Variants in EYA2 observed in about 807,000 individuals in gnomAD.
EYA2 encodes the protein protein phosphatase EYA2.
A neutral mutation model predicts 69.2 loss-of-function variants in EYA2; 31 were observed. The observed-to-expected ratio is 0.45, with a 90% confidence interval of 0.34 to 0.60. The LOEUF is 0.60. Ranked by LOEUF, EYA2 falls within the 20% of genes least tolerant of loss-of-function variation. The pLI, the probability that EYA2 is intolerant of heterozygous loss-of-function variation, is 0.02. For missense variants in EYA2, 622 were observed against 701.2 expected, an observed-to-expected ratio of 0.89 and a Z score of 1.28; for synonymous variants, 257 against 279.4, an observed-to-expected ratio of 0.92 and a Z score of 0.80.
Position 47,188,166 on chromosome 20 carries a change from C to T in EYA2, c.*33C>T. On this transcript the variant is annotated 3_prime_UTR_variant, in exon 16 of 16. Coordinates refer to ENST00000327619, the MANE Select transcript of EYA2 (RefSeq NM_005244.5). ...AGCAGCATCTCCACCTGCCATCTCA[C>T]CCTCAGACCCCCTCGCCTTCCCCAC... The T allele has an allele frequency of 6.5e-7, 1 of 1,537,794 alleles. No homozygotes were observed. Among genetic ancestry groups the T allele is most frequent in the Non-Finnish European group, 8.8e-7 (1 of 1,139,666 alleles).
At chr20:46,951,030 T>TA (rs765150568) in intron 1 of EYA2, among the ~76,000 whole-genome samples, 10 of 152,184 alleles carry the variant, frequency 6.6e-5, no homozygotes, top group African/African-American at 2.2e-4. Context: ...ATACCCCACA[T>TA]ATGCCAGAAA....
intron 1 of EYA2, among the ~76,000 whole-genome samples, chr20:46,921,662 A>C (rs1985184716): frequency 6.6e-6 from 1 of 152,138 alleles, no homozygotes; most frequent in South Asian, 2.1e-4. Flanking sequence ...GGGTTGCTAA[A>C]CTCATAGAAT....
chr20:46,989,685 C>G (rs961364958), intron 1 of EYA2, among the ~76,000 whole-genome samples: 6 of 152,194 alleles, frequency 3.9e-5, no homozygotes, highest in African/African-American at 1.4e-4. Flanking sequence ...GGGAAGTTGC[C>G]CTAGTTTGCT....
At chr20:46,977,346 G>GTTCT (rs1980526113) in intron 1 of EYA2, among the ~76,000 whole-genome samples, 1 of 152,234 alleles carries the variant, frequency 6.6e-6, no homozygotes, top group Non-Finnish European at 1.5e-5. Context: ...GGGCCATGCA[G>GTTCT]TTCTTATCTC....
intron 9 of EYA2, among the ~76,000 whole-genome samples, chr20:47,122,277 G>A (rs2033067105): frequency 7.4e-6 from 1 of 135,898 alleles, no homozygotes; most frequent in Non-Finnish European, 1.6e-5. Context: ...ATGTTTCTTA[G>A]TTATTTTCTT....
intron 1 of EYA2, among the ~76,000 whole-genome samples, chr20:46,951,565 A>G (rs1978792946): frequency 1.3e-5 from 2 of 152,340 alleles, no homozygotes; most frequent in African/African-American, 4.8e-5. Context: ...AGTTCCCACA[A>G]CAGCCCTGAA....
rs574487916 is a variant in EYA2, at chr20:47,005,482, A to G, written c.298+398A>G. Reference sequence around the variant, plus strand: ...ATGGCAGCAAAGATGGTGCCTGTCCACTCAAGGTTTGCATCCTTTTATCTC... The same window carrying G: ...ATGGCAGCAAAGATGGTGCCTGTCCGCTCAAGGTTTGCATCCTTTTATCTC... On this transcript the variant is annotated intron_variant, in intron 4 of 15. Coordinates refer to ENST00000327619, the MANE Select transcript of EYA2 (RefSeq NM_005244.5). Among the ~76,000 whole-genome samples the G allele has an allele frequency of 2.6e-5, 4 of 152,310 alleles. No individual in the cohort carries two copies. The East Asian group carries it at 7.7e-4, about 29-fold the overall frequency.
intron 1 of EYA2, among the ~76,000 whole-genome samples, chr20:46,939,423 T>G (rs923733410): frequency 6.6e-6 from 1 of 152,144 alleles, no homozygotes; most frequent in African/African-American, 2.4e-5. Context: ...CAAAGAGAGA[T>G]AATGACTTTA....
intron 8 of EYA2, among the ~76,000 whole-genome samples, chr20:47,090,519 C>T (rs144654249): frequency 1.3e-5 from 2 of 151,600 alleles, no homozygotes; most frequent in African/African-American, 4.8e-5. Context: ...AGATTACAGG[C>T]GTGAGCCGCC....
chr20:47,060,627 C>T (rs974597147), intron 5 of EYA2, among the ~76,000 whole-genome samples: 6 of 152,202 alleles, frequency 3.9e-5, no homozygotes, highest in Non-Finnish European at 7.3e-5. Context: ...TGCCACAAAC[C>T]GCTGCTCCCT....
intron 1 of EYA2, among the ~76,000 whole-genome samples, chr20:46,927,761 C>G (rs1343863617): frequency 1.3e-5 from 2 of 152,118 alleles, no homozygotes. Context: ...ACAGCCAAAC[C>G]ATATCAATGC....
intron 1 of EYA2, among the ~76,000 whole-genome samples, chr20:46,986,421 A>ATATAATATATAGATC (rs1284933589): frequency 6.1e-4 from 90 of 146,748 alleles, no homozygotes; most frequent in Non-Finnish European, 8.8e-4. Context: ...TAATATCTAT[A>ATATAATATATAGATC]TATATAATAT....
intron 1 of EYA2, chr20:46,901,294 C>T (rs1196873705): frequency 3.9e-5 from 6 of 152,206 alleles, no homozygotes; most frequent in Admixed American, 2.0e-4. Context: ...GAAAATGTTC[C>T]TTCTGGTCAG....
chr20:46,982,430 C>T (rs1287135638), intron 1 of EYA2, among the ~76,000 whole-genome samples: 1 of 152,192 alleles, frequency 6.6e-6, no homozygotes, highest in African/African-American at 2.4e-5. Flanking sequence ...GAATGCTTTT[C>T]TCTGTATTTA....
intron 10 of EYA2, among the ~76,000 whole-genome samples, chr20:47,153,523 TG>T (rs1209773005): frequency 6.6e-6 from 1 of 151,706 alleles, no homozygotes; most frequent in Non-Finnish European, 1.5e-5. Flanking sequence ...GGCATGGTGA[TG>T]AGTGCCTATA....
intron 1 of EYA2, chr20:46,978,525 G>T (rs763720249): frequency 1.9e-6 from 1 of 532,864 alleles, no homozygotes; most frequent in African/African-American, 1.9e-5. Flanking sequence ...AAAGGCCAGC[G>T]TGCTGGAATC....
intron 1 of EYA2, chr20:46,978,653 C>A (rs1980614845): frequency 1.9e-6 from 1 of 534,750 alleles, no homozygotes; most frequent in Non-Finnish European, 3.8e-6. Context: ...CGGGCAGGTT[C>A]AGATTTATGC....
intron 1 of EYA2, among the ~76,000 whole-genome samples, chr20:46,940,570 T>C (rs904004651): frequency 1.3e-5 from 2 of 152,102 alleles, no homozygotes; most frequent in Admixed American, 6.5e-5. Context: ...CCAAATGATA[T>C]GGATATCAAA....
At chr20:46,967,589 G>A (rs1979867342) in intron 1 of EYA2, among the ~76,000 whole-genome samples, 1 of 152,188 alleles carries the variant, frequency 6.6e-6, no homozygotes, top group African/African-American at 2.4e-5. Context: ...ATTCAGGACA[G>A]AGGGAACAGC....
Sources: gnomAD v4.1 joint callset for allele counts (sites outside exome capture counted in the v4.1 genomes callset) on GRCh38, gnomAD v4.1.1 for gene constraint, MANE v1.5 for transcripts, NCBI Gene and HGNC (gene_info 2026-07-23, HGNC 2026-07-21) for gene names.